The following GPHN variants were observed in gnomAD, a reference collection of about 807,000 sequenced individuals.
GPHN encodes gephyrin.
Under a neutral mutation model 95.5 loss-of-function variants are expected in GPHN, and 17 were observed. The observed-to-expected ratio is 0.18, with a 90% CI of 0.12 to 0.27. The LOEUF is 0.27. GPHN is among the 10% of genes least tolerant of loss of function. The probability of loss-of-function intolerance (pLI) is 1.00; values close to 1 mark genes in which losing one functional copy is unlikely to be tolerated. For missense variants in GPHN, 660 were observed against 978.1 expected (o/e 0.67, Z 4.34); for synonymous variants, 320 against 322.5 (o/e 0.99, Z 0.08).
At chr14:67,336,053 A>G in the GPHN span, 1 of 152,306 alleles carries the variant, frequency 6.6e-6, no homozygotes, top group African/African-American at 2.4e-5. Flanking sequence ...AAAGATGGAC[A>G]ACGCAAGGCT....
intron 12 of GPHN, among the ~76,000 whole-genome samples, chr14:67,089,540 A>G (rs999451832): frequency 2.6e-5 from 4 of 152,128 alleles, no homozygotes; most frequent in African/African-American, 9.7e-5. Flanking sequence ...ACTTCAATTT[A>G]TTCTTTCCGT....
intron 1 of GPHN, among the ~76,000 whole-genome samples, chr14:66,661,235 A>C (rs1485700464): frequency 6.6e-6 from 1 of 152,206 alleles, no homozygotes; most frequent in African/African-American, 2.4e-5. Context: ...AGCCCCCAGC[A>C]ACAGAGTTGT....
At chr14:67,393,197 G>T in the GPHN span, 1 of 1,614,072 alleles carries the variant, frequency 6.2e-7, no homozygotes, top group Admixed American at 1.7e-5. Context: ...GTTGGGGCTT[G>T]AACGGATTCC....
At chr14:67,069,458 A>T (rs1459743178) in intron 11 of GPHN, among the ~76,000 whole-genome samples, 2 of 152,222 alleles carry the variant, frequency 1.3e-5, no homozygotes, top group Non-Finnish European at 2.9e-5. Flanking sequence ...GCAGCTAACT[A>T]GCTGGAAGTC....
the GPHN span, among the ~76,000 whole-genome samples, chr14:67,318,405 T>C: frequency 1.3e-5 from 2 of 152,214 alleles, no homozygotes; most frequent in Non-Finnish European, 2.9e-5. Flanking sequence ...AATTTTATCC[T>C]CTATATTTGT....
At chr14:67,648,176 C>T in the GPHN span, 11 of 1,613,578 alleles carry the variant, frequency 6.8e-6, no homozygotes, top group Non-Finnish European at 9.3e-6. Flanking sequence ...AGGAAATACA[C>T]AATACAGGTA....
chr14:67,334,744 T>C, the GPHN span: 2 of 152,358 alleles, frequency 1.3e-5, no homozygotes, highest in East Asian at 3.9e-4. Flanking sequence ...TACTCCAGTT[T>C]AGAGCCAGGA....
intron 4 of GPHN, among the ~76,000 whole-genome samples, chr14:66,875,819 C>G (rs954897223): frequency 3.3e-5 from 5 of 152,024 alleles, no homozygotes; most frequent in Non-Finnish European, 5.9e-5. Context: ...CTTTAACACC[C>G]CACTGTCAAT....
intron 11 of GPHN, among the ~76,000 whole-genome samples, chr14:67,070,133 A>G (rs1025024683): frequency 6.6e-6 from 1 of 152,132 alleles, no homozygotes; most frequent in Admixed American, 6.5e-5. Context: ...TCATCATTCC[A>G]TGAACTTCAT....
intron 2 of GPHN, among the ~76,000 whole-genome samples, chr14:66,769,504 G>GT (rs1482601310): frequency 6.6e-6 from 1 of 152,038 alleles, no homozygotes; most frequent in African/African-American, 2.4e-5. Flanking sequence ...AGACCCCGGT[G>GT]TGTGTTGTTC....
At chr14:66,708,301 A>G (rs970303076) in intron 2 of GPHN, among the ~76,000 whole-genome samples, 1 of 152,170 alleles carries the variant, frequency 6.6e-6, no homozygotes, top group African/African-American at 2.4e-5. Context: ...ACAATTGTGA[A>G]TAATAGGACT....
At chr14:67,574,657 T>C in the GPHN span, among the ~76,000 whole-genome samples, 2 of 152,126 alleles carry the variant, frequency 1.3e-5, no homozygotes, top group Non-Finnish European at 2.9e-5. This position sits in a 1 kb window ranked among gnomAD's most constrained non-coding sequence, Gnocchi z 4.2. Context: ...CTATCTTGTA[T>C]CCATTTTGAG....
At chr14:66,607,021 T>C (rs2062566608) in intron 1 of GPHN, among the ~76,000 whole-genome samples, 1 of 152,172 alleles carries the variant, frequency 6.6e-6, no homozygotes, top group African/African-American at 2.4e-5. Flanking sequence ...CTCATTCTAG[T>C]TCTCAAGGAG....
chr14:67,668,052 G>A, the GPHN span, among the ~76,000 whole-genome samples: 1 of 152,162 alleles, frequency 6.6e-6, no homozygotes, highest in South Asian at 2.1e-4. Context: ...GTACTCCATA[G>A]TGACTATTTT....
At chr14:66,749,460 G>A (rs916679724) in intron 2 of GPHN, among the ~76,000 whole-genome samples, 8 of 151,882 alleles carry the variant, frequency 5.3e-5, no homozygotes, top group Non-Finnish European at 1.0e-4. Context: ...ATTCTCACCA[G>A]CAATAAATGA....
the GPHN span, chr14:67,674,725 C>A: frequency 2.4e-6 from 1 of 422,300 alleles, no homozygotes; most frequent in Non-Finnish European, 4.2e-6. Context: ...CGGGAGACTG[C>A]GCGGCCTAGG....
chr14:67,221,919 T>C, the GPHN span: 1 of 1,351,448 alleles, frequency 7.4e-7, no homozygotes, highest in Non-Finnish European at 1.0e-6. Context: ...GCTAGACTTT[T>C]TGATGCATTT....
the GPHN span, chr14:67,312,497 ATTG>A: frequency 7.1e-7 from 1 of 1,403,664 alleles, no homozygotes; most frequent in South Asian, 1.6e-5. Flanking sequence ...ATTGCCATTT[ATTG>A]TTGTTTTTGC....
At chr14:67,467,082 C>T in the GPHN span, 15 of 151,318 alleles carry the variant, frequency 9.9e-5, no homozygotes, top group South Asian at 1.5e-3. Context: ...TGAAAAGTGT[C>T]TCTTCCTGGA....
Sources: allele counts gnomAD v4.1 joint callset (sites outside exome capture counted in the v4.1 genomes callset), GRCh38; gene constraint gnomAD v4.1.1; non-coding constraint Gnocchi (gnomAD v3.1); transcripts MANE v1.5; gene names NCBI Gene and HGNC (gene_info 2026-07-23, HGNC 2026-07-21).